CREBRF: variants seen among roughly 807,000 people sequenced by gnomAD.
The protein encoded by CREBRF is UPF0474 protein C5orf41.
Under a neutral mutation model 66.1 loss-of-function variants are expected in CREBRF, and 5 were observed. The ratio of observed to expected loss-of-function variants is 0.08; its 90% confidence interval spans 0.04 to 0.16. The LOEUF (loss-of-function observed/expected upper bound fraction) is 0.16. CREBRF is among the 10% of genes least tolerant of loss of function. The pLI is 1.00. For synonymous variants in CREBRF, 229 were observed against 264.4 expected (o/e 0.87, Z 1.30); for missense variants, 531 against 744.9 (o/e 0.71, Z 3.34).
chr5:173,113,159 A>AT (rs887844665), intron 7 of CREBRF, among the ~76,000 whole-genome samples: 7 of 151,808 alleles, frequency 4.6e-5, no homozygotes, highest in African/African-American at 1.7e-4. Context: ...CGCCTGGCTG[A>AT]TTTTTTGCAT....
chr5:173,110,338 A>G, intron 5 of CREBRF, 184 bp from the exon 6 acceptor site: 1 of 690,950 alleles, frequency 1.4e-6, no homozygotes, highest in South Asian at 1.5e-5. Context: ...CAGCCACAAG[A>G]TGGGAAGGAG....
At chr5:173,068,215 G>C (rs1757492350) in intron 1 of CREBRF, 2 of 420,768 alleles carry the variant, frequency 4.8e-6, no homozygotes, top group African/African-American at 2.1e-5. Flanking sequence ...TGATGGAGGA[G>C]TGGAACTAGG....
Position 173,136,202 on chromosome 5 carries a change from A to G in CREBRF, c.*2457A>G, listed in dbSNP as rs896454472. On this transcript the variant is annotated 3_prime_UTR_variant, in exon 9 of 9. Coordinates refer to ENST00000296953, the MANE Select transcript of CREBRF (RefSeq NM_153607.3). The stretch of plus-strand genomic sequence containing the variant: ...TACTTTTTTCCTGTCTGCAAACCAG[A>G]ATTTGATTTTTTGGTCTTGCATTTC... 1 of 152,350 alleles carries G rather than the reference A, an allele frequency of 6.6e-6. No individual in the cohort carries two copies. The highest frequency in any genetic ancestry group is 6.6e-5 in the Admixed American group (1 of 15,248). 9.4% of individuals were successfully genotyped at this position (152,350 alleles called of 1,614,324 possible).
intron 4 of CREBRF, among the ~76,000 whole-genome samples, chr5:173,099,975 T>C (rs1758575322): frequency 6.7e-6 from 1 of 148,696 alleles, no homozygotes. Context: ...ACTGCAACCT[T>C]GGCTCACTGC....
chr5:173,086,514 G>T lies in CREBRF; in HGVS notation c.23G>T (p.Gly8Val), dbSNP rs200257911. The T allele has an allele frequency of 6.2e-7, 1 of 1,613,942 alleles. No homozygotes were observed. The highest frequency in any genetic ancestry group is 1.1e-5 in the South Asian group (1 of 91,052). Residue 8 changes from glycine (G) to valine (V), a missense_variant, in exon 3 of 9, where the codon GGA becomes GTA. By Grantham distance (109) the Gly-to-Val change is moderately radical. This residue lies in a region of CREBRF where 133 missense variants were observed against 215.6 expected (regional missense o/e 0.62). Transcript: ENST00000296953. MPQPSVSGMDPPFGDAFR... is the reference protein window; with the variant it reads MPQPSVSVMDPPFGDAFR... ...ACTCTGTTGTAGCCTAGTGTAAGCGGAATGGATCCGCCTTTCGGGGATGCC... is the reference window on the plus strand; with the variant it reads ...ACTCTGTTGTAGCCTAGTGTAAGCGTAATGGATCCGCCTTTCGGGGATGCC...
chr5:173,128,820 C>G (rs1366407343), intron 8 of CREBRF, among the ~76,000 whole-genome samples: 1 of 150,506 alleles, frequency 6.6e-6, no homozygotes. Context: ...TCGCTCTGTA[C>G]CCCAGGCTGG....
At chr5:173,105,844 T>C (rs1581690272) in intron 4 of CREBRF, among the ~76,000 whole-genome samples, 1 of 143,114 alleles carries the variant, frequency 7.0e-6, no homozygotes, top group Non-Finnish European at 1.5e-5. Context: ...AGTCTCAATC[T>C]CCTGACCTCC....
intron 1 of CREBRF, among the ~76,000 whole-genome samples, chr5:173,080,333 GT>G (rs538252704): frequency 0.069 from 9,727 of 140,024 alleles, 366 homozygotes; most frequent in Middle Eastern, 0.2. Flanking sequence ...TTAATTTTGT[GT>G]TTTTTTTTTT....
intron 4 of CREBRF, among the ~76,000 whole-genome samples, chr5:173,098,813 A>ATTATC (rs142783796): frequency 0.05 from 7,612 of 152,046 alleles, 262 homozygotes; most frequent in South Asian, 0.096. Flanking sequence ...CCTCTTGATA[A>ATTATC]ATCAACAAAC....
At chr5:173,086,948 G>GTTT (rs765109361) in intron 3 of CREBRF, among the ~76,000 whole-genome samples, 1 of 56,236 alleles carries the variant, frequency 1.8e-5, no homozygotes, top group South Asian at 4.2e-4. Flanking sequence ...AACTAATTTT[G>GTTT]TTTTTTTTTT....
At chr5:173,069,318 G>C (rs193092679) in intron 1 of CREBRF, among the ~76,000 whole-genome samples, 1 of 152,050 alleles carries the variant, frequency 6.6e-6, no homozygotes, top group Admixed American at 6.5e-5. Flanking sequence ...TGAGAGTCTG[G>C]AATGAAATTC....
intron 4 of CREBRF, among the ~76,000 whole-genome samples, chr5:173,098,100 C>G (rs1177420807): frequency 6.7e-6 from 1 of 150,342 alleles, no homozygotes; most frequent in African/African-American, 2.4e-5. Context: ...ACATATTTTT[C>G]TATTCCTCTT....
intron 4 of CREBRF, among the ~76,000 whole-genome samples, chr5:173,092,596 T>C (rs1438467951): frequency 6.6e-6 from 1 of 151,630 alleles, no homozygotes; most frequent in Non-Finnish European, 1.5e-5. Context: ...AGTTATTATT[T>C]AAAAAAAAAC....
intron 8 of CREBRF, among the ~76,000 whole-genome samples, chr5:173,125,489 A>G (rs1364347801): frequency 1.3e-5 from 2 of 152,180 alleles, no homozygotes; most frequent in Non-Finnish European, 2.9e-5. Context: ...GTGTGAAATT[A>G]GTTCCTCTGA....
chr5:173,099,480 A>C (rs1758562708), intron 4 of CREBRF, among the ~76,000 whole-genome samples: 1 of 151,764 alleles, frequency 6.6e-6, no homozygotes, highest in Non-Finnish European at 1.5e-5. Context: ...AGCTAAAGTG[A>C]TTTTCTTGTG....
At chr5:173,057,690 G>A (rs909438190) in intron 1 of CREBRF, 1 of 152,148 alleles carries the variant, frequency 6.6e-6, no homozygotes, top group Non-Finnish European at 1.5e-5. Flanking sequence ...GGAGGTACTT[G>A]GATAAATAGC....
At chr5:173,119,698 C>T (rs966376179) in intron 7 of CREBRF, among the ~76,000 whole-genome samples, 4 of 152,130 alleles carry the variant, frequency 2.6e-5, no homozygotes, top group Non-Finnish European at 5.9e-5. Context: ...TTTACAATCT[C>T]AGGGGAAACC....
At chr5:173,104,318 A>G (rs1476087342) in intron 4 of CREBRF, among the ~76,000 whole-genome samples, 1 of 152,020 alleles carries the variant, frequency 6.6e-6, no homozygotes, top group East Asian at 1.9e-4. Flanking sequence ...ATGACCCTAG[A>G]TTCAAGACCA....
chr5:173,098,252 A>G lies in CREBRF; in HGVS notation c.1222+6851A>G, dbSNP rs1253460525. 3.3e-5 allele frequency among the ~76,000 whole-genome samples: 5 copies of G among 151,304 alleles called. No homozygotes were observed. In the East Asian group the frequency reaches 5.9e-4, roughly 18 times the overall value. On this transcript the variant is annotated intron_variant, in intron 4 of 8. Coordinates refer to ENST00000296953, the MANE Select transcript of CREBRF (RefSeq NM_153607.3). ...ACCCAGGCTGGAGCGCAGTGGCGCA[A>G]TCTCTGCTCACTGCAAGCTCCGCCT...
Sources: allele counts gnomAD v4.1 joint callset (sites outside exome capture counted in the v4.1 genomes callset), GRCh38; gene constraint gnomAD v4.1.1; regional missense constraint gnomAD v4.1.1; transcripts MANE v1.5; gene names NCBI Gene and HGNC (gene_info 2026-07-23, HGNC 2026-07-21).